Variants in TMTC2 observed in about 807,000 individuals in gnomAD.
TMTC2 encodes protein O-mannosyl-transferase TMTC2.
In TMTC2, 43 loss-of-function variants were observed where a neutral mutation model predicts 82.4. The observed-to-expected ratio is 0.52, with a 90% CI of 0.41 to 0.67. The LOEUF is 0.67. Among genes scored for constraint, TMTC2 ranks in the 30% least tolerant of loss-of-function variants. The pLI, the probability that TMTC2 is intolerant of heterozygous loss-of-function variation, is 0.00. For missense variants in TMTC2, 919 were observed against 1,012.4 expected, an observed-to-expected ratio of 0.91 and a Z score of 1.25; for synonymous variants, 408 against 381.9, an observed-to-expected ratio of 1.07 and a Z score of -0.80.
intron 7 of TMTC2, among the ~76,000 whole-genome samples, chr12:82,982,439 CT>C (rs11389314): frequency 0.14 from 20,825 of 144,072 alleles, 1,640 homozygotes; most frequent in African/African-American, 0.23. Context: ...TATCCATAAT[CT>C]TTTTTTTTTT....
At chr12:82,937,767 T>TACATATATATATATATATAC (rs1565818317) in intron 4 of TMTC2, among the ~76,000 whole-genome samples, 55 of 20,332 alleles carry the variant, frequency 2.7e-3, no homozygotes, top group Admixed American at 5.2e-3. Context: ...TATATATATA[T>TACATATATATATATATATAC]ATATATATAT....
At chr12:82,936,010 G>A (rs115357745) in intron 4 of TMTC2, among the ~76,000 whole-genome samples, 2 of 151,988 alleles carry the variant, frequency 1.3e-5, no homozygotes, top group Non-Finnish European at 2.9e-5. Flanking sequence ...TAAGGGTAAC[G>A]TAGGGCAAAA....
chr12:82,893,671 A>G (rs74106173), intron 2 of TMTC2, among the ~76,000 whole-genome samples: 1,757 of 152,116 alleles, frequency 0.012, 40 homozygotes, highest in African/African-American at 0.04. Flanking sequence ...CTCTTATTTT[A>G]TACTCAGAAT....
intron 2 of TMTC2, among the ~76,000 whole-genome samples, chr12:82,885,616 C>T (rs150311213): frequency 6.6e-5 from 10 of 152,128 alleles, no homozygotes; most frequent in Admixed American, 2.6e-4. Flanking sequence ...GTGATTCCCC[C>T]CACCTTTGCC....
chr12:83,000,547 T>C (rs1040354396), intron 8 of TMTC2, among the ~76,000 whole-genome samples: 2 of 152,228 alleles, frequency 1.3e-5, no homozygotes, highest in African/African-American at 4.8e-5. Context: ...TCCACCCGTG[T>C]GACTGCAGGG....
chr12:82,821,028 T>A (rs988610566), intron 1 of TMTC2, among the ~76,000 whole-genome samples: 1 of 151,990 alleles, frequency 6.6e-6, no homozygotes, highest in African/African-American at 2.4e-5. Context: ...CTGGATAATT[T>A]TTTTTTTTTT....
At chr12:83,055,668 T>C (rs1882512222) in intron 10 of TMTC2, among the ~76,000 whole-genome samples, 1 of 151,762 alleles carries the variant, frequency 6.6e-6, no homozygotes, top group African/African-American at 2.4e-5. Flanking sequence ...AAACAAACTT[T>C]ACATGGTTTA....
intron 1 of TMTC2, among the ~76,000 whole-genome samples, chr12:82,826,042 G>C (rs1399458959): frequency 6.6e-6 from 1 of 152,192 alleles, no homozygotes; most frequent in Non-Finnish European, 1.5e-5. Context: ...GGTGATGCTA[G>C]ACTTGGATAA....
At chr12:83,010,281 A>C (rs35137237) in intron 8 of TMTC2, among the ~76,000 whole-genome samples, 84,606 of 152,014 alleles carry the variant, frequency 0.56, 25,774 homozygotes, top group East Asian at 0.84. Flanking sequence ...TCCCATTCTT[A>C]AAACTTGTTT....
At chr12:82,819,120 T>C (rs1354718351) in intron 1 of TMTC2, among the ~76,000 whole-genome samples, 1 of 151,996 alleles carries the variant, frequency 6.6e-6, no homozygotes, top group Non-Finnish European at 1.5e-5. Flanking sequence ...GAGAAGAAAA[T>C]TCTAGATTGA....
At chr12:82,890,417 G>A (rs1873336047) in intron 2 of TMTC2, among the ~76,000 whole-genome samples, 1 of 151,928 alleles carries the variant, frequency 6.6e-6, no homozygotes, top group African/African-American at 2.4e-5. Flanking sequence ...TACTCTTATT[G>A]TACTAAGAAT....
At chr12:82,761,705 C>T (rs572575536) in intron 1 of TMTC2, among the ~76,000 whole-genome samples, 9 of 152,072 alleles carry the variant, frequency 5.9e-5, no homozygotes, top group African/African-American at 1.9e-4. Context: ...CCAGGAGTCC[C>T]ATTAATGCTA....
At chr12:82,918,154 C>T (rs1427084118) in intron 3 of TMTC2, among the ~76,000 whole-genome samples, 1 of 152,148 alleles carries the variant, frequency 6.6e-6, no homozygotes. Flanking sequence ...AAGCAATCCG[C>T]CCAGCTTGGC....
chr12:82,745,944 A>G (rs764988307), intron 1 of TMTC2, among the ~76,000 whole-genome samples: 1 of 152,194 alleles, frequency 6.6e-6, no homozygotes. Flanking sequence ...TTGTTCTTTT[A>G]TCCTGCTTTT....
At chr12:82,960,616 A>T (rs1211336382) in intron 4 of TMTC2, among the ~76,000 whole-genome samples, 1 of 151,894 alleles carries the variant, frequency 6.6e-6, no homozygotes, top group Non-Finnish European at 1.5e-5. Flanking sequence ...GACACTGGGG[A>T]TTACTAAAGC....
intron 1 of TMTC2, among the ~76,000 whole-genome samples, chr12:82,823,791 T>G (rs1869248854): frequency 6.6e-6 from 1 of 152,222 alleles, no homozygotes; most frequent in Admixed American, 6.5e-5. Context: ...AAATCTCTTC[T>G]GTACTTCTCT....
chr12:82,971,923 A>G (rs1044141720), intron 7 of TMTC2, among the ~76,000 whole-genome samples: 1 of 152,130 alleles, frequency 6.6e-6, no homozygotes, highest in South Asian at 2.1e-4. Flanking sequence ...GGGAGATTTC[A>G]CAGTTGGTCC....
At position 83,132,072 on chromosome 12, in the gene TMTC2, A is replaced by G. The variant is rs577909394; in HGVS notation, c.2332-138A>G. The G allele has an allele frequency of 1.1e-4, 107 of 977,162 alleles. 1 individual carries two copies. The African/African-American group carries it at 1.6e-3, about 15-fold the overall frequency. The allele number at this position is 977,162 out of a possible 1,614,324, so 60.5% of individuals were successfully genotyped here. ...TTCCTAGTTATCTTTATCTGTTTGT[A>G]TAAATTGCTAAATTGCTTTCACAAA... On this transcript the variant is annotated intron_variant, in intron 11 of 11. Coordinates refer to ENST00000321196, the MANE Select transcript of TMTC2 (RefSeq NM_152588.3).
chr12:83,034,548 A>G (rs1881586158), intron 9 of TMTC2, among the ~76,000 whole-genome samples: 1 of 152,234 alleles, frequency 6.6e-6, no homozygotes, highest in African/African-American at 2.4e-5. Flanking sequence ...GAGAAAGGTC[A>G]GAATAGAACA....
Sources: gnomAD v4.1 joint callset for allele counts (sites outside exome capture counted in the v4.1 genomes callset) on GRCh38, gnomAD v4.1.1 for gene constraint, MANE v1.5 for transcripts, NCBI Gene and HGNC (gene_info 2026-07-23, HGNC 2026-07-21) for gene names.